Variants in PMFBP1 observed in about 807,000 individuals in gnomAD.
PMFBP1 encodes polyamine-modulated factor 1-binding protein 1.
A neutral mutation model predicts 137.8 loss-of-function variants in PMFBP1; 131 were observed. The observed-to-expected ratio is 0.95, with a 90% CI of 0.82 to 1.10. The LOEUF (loss-of-function observed/expected upper bound fraction) is 1.10. PMFBP1 is among the 50% of genes least tolerant of loss of function. PMFBP1 has a pLI of 0.00. For missense variants in PMFBP1, 1,199 were observed against 1,175.4 expected (o/e 1.02, Z -0.29); for synonymous variants, 490 against 450.4 (o/e 1.09, Z -1.11).
At position 72,136,675 on chromosome 16, in the gene PMFBP1, C is replaced by T. The variant is rs375250230; in HGVS notation, c.1045+18G>A. The T allele has an allele frequency of 9.8e-4, 1,578 of 1,614,156 alleles. 27 individuals are homozygous for T. The South Asian group carries it at 0.016, about 17-fold the overall frequency. On this transcript the variant is annotated intron_variant, in intron 8 of 20. Transcript: ENST00000237353. ...CTTCCTTCTGGCTCCCCTGCCACAGCCTGCAGCCCCAGTTTACCCTTCATG... is the reference window on the plus strand; with the variant it reads ...CTTCCTTCTGGCTCCCCTGCCACAGTCTGCAGCCCCAGTTTACCCTTCATG...
At chr16:72,232,151 G>A in the PMFBP1 span, among the ~76,000 whole-genome samples, 41 of 152,288 alleles carry the variant, frequency 2.7e-4, 1 homozygote, top group South Asian at 7.2e-3. Flanking sequence ...ATTGTTTAGT[G>A]ATGGATTTTT....
chr16:72,197,119 A>G, the PMFBP1 span, among the ~76,000 whole-genome samples: 2 of 152,194 alleles, frequency 1.3e-5, no homozygotes, highest in East Asian at 1.9e-4. Flanking sequence ...TGTGAGTCCA[A>G]TCAGACTCAG....
At chr16:72,243,584 C>A in the PMFBP1 span, among the ~76,000 whole-genome samples, 11 of 152,270 alleles carry the variant, frequency 7.2e-5, no homozygotes, top group Admixed American at 3.3e-4. Context: ...AGAAAATGTA[C>A]CCCTCTTTTT....
intron 2 of PMFBP1, among the ~76,000 whole-genome samples, chr16:72,168,187 A>G (rs1236947601): frequency 6.6e-6 from 1 of 152,240 alleles, no homozygotes; most frequent in Non-Finnish European, 1.5e-5. Context: ...GTCAAGTGAA[A>G]TTTACTTTTG....
chr16:72,131,047 G>A (rs1012580284), intron 10 of PMFBP1, among the ~76,000 whole-genome samples: 6 of 152,172 alleles, frequency 3.9e-5, no homozygotes, highest in African/African-American at 1.2e-4. Flanking sequence ...CTGGCCCACC[G>A]TCCTAGAGAA....
Position 72,125,233 on chromosome 16 carries a change from C to T in PMFBP1, c.2421+5G>A. ...AGGCAGCCCAAGCCCCTGGCAGCTC[C>T]TCACCTCCAGCTCACTCTCCTGGTG... On this transcript the variant is annotated splice_donor_5th_base_variant and intron_variant, in intron 16 of 20. Coordinates refer to ENST00000237353, the MANE Select transcript of PMFBP1 (RefSeq NM_031293.3). 1.2e-6 allele frequency: 2 copies of T among 1,611,510 alleles called. No homozygotes were observed.
At chr16:72,135,740 G>GTTTTTTTTTT (rs869189990) in intron 9 of PMFBP1, among the ~76,000 whole-genome samples, 15 of 66,818 alleles carry the variant, frequency 2.2e-4, no homozygotes, top group South Asian at 6.4e-4. Context: ...TAATTTTTCT[G>GTTTTTTTTTT]TTTTTTTTTT....
At chr16:72,204,980 G>A in the PMFBP1 span, among the ~76,000 whole-genome samples, 4 of 152,286 alleles carry the variant, frequency 2.6e-5, no homozygotes, top group East Asian at 1.9e-4. Flanking sequence ...TGGAGAGTGC[G>A]CCATCAAATC....
At chr16:72,227,251 C>T in the PMFBP1 span, among the ~76,000 whole-genome samples, 2 of 152,320 alleles carry the variant, frequency 1.3e-5, no homozygotes, top group Non-Finnish European at 1.5e-5. Flanking sequence ...ATTTTGCACA[C>T]AGGATAGTCT....
chr16:72,210,359 G>C, the PMFBP1 span, among the ~76,000 whole-genome samples: 7 of 152,206 alleles, frequency 4.6e-5, no homozygotes, highest in Non-Finnish European at 1.0e-4. Context: ...GCATTTTGGT[G>C]TAGACAAGTC....
At chr16:72,236,649 T>C in the PMFBP1 span, among the ~76,000 whole-genome samples, 5 of 152,102 alleles carry the variant, frequency 3.3e-5, 1 homozygote, top group South Asian at 1.0e-3. Flanking sequence ...ACCCCCACTT[T>C]GGGGGAAAAA....
the PMFBP1 span, among the ~76,000 whole-genome samples, chr16:72,186,317 G>A: frequency 1.3e-5 from 2 of 152,170 alleles, no homozygotes; most frequent in African/African-American, 4.8e-5. Flanking sequence ...CTATTCAGAG[G>A]TGCAGTGGAT....
intron 2 of PMFBP1, among the ~76,000 whole-genome samples, chr16:72,170,419 C>G (rs996896202): frequency 6.6e-6 from 1 of 152,052 alleles, no homozygotes; most frequent in Admixed American, 6.6e-5. Flanking sequence ...GTAGGGCATA[C>G]ATAAACATAG....
the PMFBP1 span, among the ~76,000 whole-genome samples, chr16:72,198,395 A>T: frequency 6.6e-6 from 1 of 152,154 alleles, no homozygotes; most frequent in Non-Finnish European, 1.5e-5. Context: ...GTGCTCAGAC[A>T]CTGTTCAGCA....
chr16:72,133,714 G>A (rs948111314), intron 9 of PMFBP1, among the ~76,000 whole-genome samples: 4 of 152,116 alleles, frequency 2.6e-5, no homozygotes, highest in African/African-American at 7.2e-5. Flanking sequence ...TGGTCAGGAG[G>A]TTGTTAATTG....
At chr16:72,245,677 G>C in the PMFBP1 span, among the ~76,000 whole-genome samples, 38 of 152,270 alleles carry the variant, frequency 2.5e-4, no homozygotes, top group Admixed American at 2.4e-3. Context: ...TTTTCTCCCA[G>C]CCTGCTGTCA....
upstream of PMFBP1, among the ~76,000 whole-genome samples, chr16:72,181,616 G>A (rs868340239): frequency 4.0e-4 from 61 of 152,242 alleles, no homozygotes; most frequent in Middle Eastern, 3.4e-3. Context: ...TGTGAACATC[G>A]TCCTTCATTA....
intron 5 of PMFBP1, among the ~76,000 whole-genome samples, chr16:72,144,968 C>T (rs7194569): frequency 0.041 from 6,268 of 152,092 alleles, 401 homozygotes; most frequent in African/African-American, 0.14. Flanking sequence ...ATTAGACAGA[C>T]CAATGAGACA....
chr16:72,195,227 A>T, the PMFBP1 span, among the ~76,000 whole-genome samples: 1 of 152,180 alleles, frequency 6.6e-6, no homozygotes, highest in Admixed American at 6.5e-5. Context: ...TCAATAGGTC[A>T]TCTTTGCACC....
Sources: allele counts gnomAD v4.1 joint callset (sites outside exome capture counted in the v4.1 genomes callset), GRCh38; gene constraint gnomAD v4.1.1; transcripts MANE v1.5; gene names NCBI Gene and HGNC (gene_info 2026-07-23, HGNC 2026-07-21).